The following FIGN variants were observed in gnomAD, a reference collection of about 807,000 sequenced individuals.
The protein encoded by FIGN is fidgetin, microtubule severing factor.
FIGN carries 11 observed loss-of-function variants against 51.3 expected under a neutral mutation model. The ratio of observed to expected loss-of-function variants is 0.21; its 90% confidence interval spans 0.13 to 0.35. FIGN has a LOEUF of 0.35. FIGN is among the 10% of genes least tolerant of loss of function. The pLI is 1.00. For synonymous variants in FIGN, 407 were observed against 363.2 expected (o/e 1.12, Z -1.37); for missense variants, 857 against 943.6 (o/e 0.91, Z 1.20).
At chr2:163,691,656 C>A (rs1404939871) in intron 2 of FIGN, among the ~76,000 whole-genome samples, 1 of 152,076 alleles carries the variant, frequency 6.6e-6, no homozygotes, top group African/African-American at 2.4e-5. Context: ...TCAATTCAGC[C>A]AGATTTAATT....
At chr2:163,627,837 G>A (rs1395042017) in intron 2 of FIGN, among the ~76,000 whole-genome samples, 4 of 152,138 alleles carry the variant, frequency 2.6e-5, no homozygotes, top group African/African-American at 9.7e-5. Flanking sequence ...ACCTTCCACT[G>A]TTGAAGGCTT....
chr2:163,667,058 A>G (rs1388272738), intron 2 of FIGN, among the ~76,000 whole-genome samples: 1 of 151,908 alleles, frequency 6.6e-6, no homozygotes, highest in Non-Finnish European at 1.5e-5. Context: ...TCCTTTCTGT[A>G]TTCTCTATTT....
At chr2:163,723,116 G>A (rs1043486912) in intron 2 of FIGN, among the ~76,000 whole-genome samples, 3 of 151,850 alleles carry the variant, frequency 2.0e-5, no homozygotes, top group Non-Finnish European at 4.4e-5. Context: ...GCGTGAACCC[G>A]GGAGGTGGAG....
intron 2 of FIGN, among the ~76,000 whole-genome samples, chr2:163,625,952 A>G (rs755542708): frequency 1.3e-5 from 2 of 152,180 alleles, no homozygotes; most frequent in Non-Finnish European, 2.9e-5. Flanking sequence ...CCAAGAATTT[A>G]TACCCATTCA....
intron 2 of FIGN, among the ~76,000 whole-genome samples, chr2:163,724,053 T>C (rs1366697607): frequency 6.6e-6 from 1 of 152,148 alleles, no homozygotes; most frequent in Non-Finnish European, 1.5e-5. Context: ...TCATGGAGTA[T>C]ACAAAACTGC....
Position 163,639,320 on chromosome 2 carries a change from G to T in FIGN, c.26-27514C>A, listed in dbSNP as rs148724491. ...AATCCTTTCAATGTTACCATGACAG[G>T]TTCCAGAAAAATGTTTAAATTTTTC... On this transcript the variant is annotated intron_variant, in intron 2 of 2. Coordinates refer to ENST00000333129, the MANE Select transcript of FIGN (RefSeq NM_018086.4). Among the ~76,000 whole-genome samples the T allele has an allele frequency of 9.3e-4, 141 of 152,044 alleles. 1 individual carries two copies. The East Asian group carries it at 0.017, about 18-fold the overall frequency.
At chr2:163,617,886 A>C (rs1682905614) in intron 2 of FIGN, among the ~76,000 whole-genome samples, 1 of 152,338 alleles carries the variant, frequency 6.6e-6, no homozygotes. Flanking sequence ...CTGCTACACA[A>C]ACATTTCTTA....
chr2:163,665,175 G>C (rs1683753791), intron 2 of FIGN, among the ~76,000 whole-genome samples: 1 of 152,178 alleles, frequency 6.6e-6, no homozygotes, highest in Non-Finnish European at 1.5e-5. Context: ...TCTTTCTATT[G>C]TCGTTAGACT....
intron 2 of FIGN, among the ~76,000 whole-genome samples, chr2:163,734,361 A>G (rs891019860): frequency 4.0e-5 from 6 of 151,552 alleles, no homozygotes; most frequent in African/African-American, 1.2e-4. Context: ...AAAAAAAACC[A>G]CACTCAGAAG....
At chr2:163,637,331 T>G (rs2105314387) in intron 2 of FIGN, among the ~76,000 whole-genome samples, 1 of 152,258 alleles carries the variant, frequency 6.6e-6, no homozygotes, top group South Asian at 2.1e-4. Flanking sequence ...CTTCTGGGGG[T>G]TTAAAAAAAT....
At chr2:163,686,482 C>T (rs1684151440) in intron 2 of FIGN, among the ~76,000 whole-genome samples, 1 of 152,048 alleles carries the variant, frequency 6.6e-6, no homozygotes, top group African/African-American at 2.4e-5. Context: ...AACAACATAC[C>T]TGAAGTTTCA....
intron 2 of FIGN, among the ~76,000 whole-genome samples, chr2:163,704,658 A>T (rs2126008): frequency 0.78 from 45,568 of 58,384 alleles, 16,851 homozygotes; most frequent in Non-Finnish European, 0.85. Context: ...TCTCTCTCTC[A>T]CACACACACA....
intron 2 of FIGN, among the ~76,000 whole-genome samples, chr2:163,622,478 TTAG>T (rs2105306232): frequency 6.6e-6 from 1 of 152,258 alleles, no homozygotes; most frequent in African/African-American, 2.4e-5. Flanking sequence ...ACTGGCCTCT[TTAG>T]TAATGGGTAA....
At chr2:163,705,727 G>A (rs1441383326) in intron 2 of FIGN, among the ~76,000 whole-genome samples, 4 of 151,318 alleles carry the variant, frequency 2.6e-5, no homozygotes, top group Non-Finnish European at 1.5e-5. Flanking sequence ...TATTATAATG[G>A]TTTTACTTTT....
intron 2 of FIGN, among the ~76,000 whole-genome samples, chr2:163,730,714 TC>T (rs1221765706): frequency 6.6e-6 from 1 of 152,214 alleles, no homozygotes; most frequent in Admixed American, 6.5e-5. Flanking sequence ...ATTTGTTTAT[TC>T]TAGTTTATCA....
At chr2:163,648,436 C>G (rs1432621594) in intron 2 of FIGN, among the ~76,000 whole-genome samples, 2 of 152,130 alleles carry the variant, frequency 1.3e-5, no homozygotes, top group Non-Finnish European at 2.9e-5. Flanking sequence ...AAATAAAATA[C>G]AAAGAGAACA....
chr2:163,690,268 T>C (rs910552317), intron 2 of FIGN, among the ~76,000 whole-genome samples: 25 of 152,162 alleles, frequency 1.6e-4, no homozygotes, highest in African/African-American at 5.6e-4. Flanking sequence ...ATAGCTGGTG[T>C]GGCTAACTCA....
At chr2:163,639,639 C>G (rs563863111) in intron 2 of FIGN, among the ~76,000 whole-genome samples, 2 of 152,224 alleles carry the variant, frequency 1.3e-5, no homozygotes, top group African/African-American at 4.8e-5. Context: ...TTCCTTTACT[C>G]TCTTCAGTGG....
intron 2 of FIGN, among the ~76,000 whole-genome samples, chr2:163,714,062 C>G (rs796206497): frequency 1.8e-4 from 28 of 152,296 alleles, no homozygotes; most frequent in African/African-American, 6.7e-4. Flanking sequence ...CGGCTGCTCT[C>G]CATGCAGAGA....
Sources: gnomAD v4.1 joint callset for allele counts (sites outside exome capture counted in the v4.1 genomes callset) on GRCh38, gnomAD v4.1.1 for gene constraint, MANE v1.5 for transcripts, NCBI Gene and HGNC (gene_info 2026-07-23, HGNC 2026-07-21) for gene names.